NFIA: variants seen among roughly 807,000 people sequenced by gnomAD.
NFIA encodes the protein nuclear factor 1 A-type.
A neutral mutation model predicts 62.8 loss-of-function variants in NFIA; 8 were observed. The observed-to-expected ratio is 0.13, with a 90% CI of 0.07 to 0.23. The LOEUF is 0.23. Ranked by LOEUF, NFIA falls within the 10% of genes least tolerant of loss-of-function variation. The probability of loss-of-function intolerance (pLI) is 1.00; values close to 1 mark genes in which losing one functional copy is unlikely to be tolerated. For missense variants in NFIA, 410 were observed against 642.1 expected, an observed-to-expected ratio of 0.64 and a Z score of 3.91; for synonymous variants, 235 against 238.1, an observed-to-expected ratio of 0.99 and a Z score of 0.12.
intron 2 of NFIA, among the ~76,000 whole-genome samples, chr1:61,234,474 C>T (rs930540258): frequency 6.6e-6 from 1 of 151,884 alleles, no homozygotes; most frequent in African/African-American, 2.4e-5. Flanking sequence ...ATACGTCTGC[C>T]TCCTCTGTTC....
intron 9 of NFIA, among the ~76,000 whole-genome samples, chr1:61,425,820 T>C (rs1666839733): frequency 6.6e-6 from 1 of 152,234 alleles, no homozygotes; most frequent in South Asian, 2.1e-4. Context: ...TGATAGTTTA[T>C]GCCTGAACAG....
intron 6 of NFIA, among the ~76,000 whole-genome samples, chr1:61,369,374 A>T (rs998153787): frequency 6.6e-6 from 1 of 152,174 alleles, no homozygotes; most frequent in Non-Finnish European, 1.5e-5. Context: ...AATTCACCAG[A>T]GGGTAGAATA....
intron 9 of NFIA, among the ~76,000 whole-genome samples, chr1:61,415,807 A>T (rs1225112316): frequency 6.6e-6 from 1 of 152,192 alleles, no homozygotes; most frequent in African/African-American, 2.4e-5. Flanking sequence ...TTTTGTACCT[A>T]TATTAGTACA....
intron 2 of NFIA, among the ~76,000 whole-genome samples, chr1:61,138,407 A>G (rs1647258743): frequency 6.6e-6 from 1 of 152,102 alleles, no homozygotes. Context: ...AGTTATTTTC[A>G]AAATACAGTG....
chr1:61,098,520 C>G (rs1455817065), intron 2 of NFIA, among the ~76,000 whole-genome samples: 1 of 152,184 alleles, frequency 6.6e-6, no homozygotes, highest in Non-Finnish European at 1.5e-5. Flanking sequence ...AGAGTAGTTT[C>G]AAGTAACTTC....
At chr1:61,399,706 G>A (rs935806369) in intron 7 of NFIA, among the ~76,000 whole-genome samples, 1 of 152,150 alleles carries the variant, frequency 6.6e-6, no homozygotes, top group Admixed American at 6.5e-5. Context: ...GCAGAAAAAT[G>A]CAAGATTCCA....
At chr1:61,309,902 A>G (rs566070715) in intron 3 of NFIA, among the ~76,000 whole-genome samples, 7 of 152,330 alleles carry the variant, frequency 4.6e-5, no homozygotes, top group African/African-American at 9.6e-5. Context: ...AAATAAATAA[A>G]TTTAGGTGAA....
chr1:61,376,468 A>G (rs1293398665), intron 6 of NFIA, among the ~76,000 whole-genome samples: 1 of 152,144 alleles, frequency 6.6e-6, no homozygotes, highest in East Asian at 1.9e-4. Context: ...TCTATGTGAT[A>G]TTTATTTTGT....
chr1:61,279,023 G>A (rs1037727311), intron 3 of NFIA, among the ~76,000 whole-genome samples: 3 of 152,036 alleles, frequency 2.0e-5, no homozygotes, highest in African/African-American at 7.2e-5. Context: ...GTCAGCTGTG[G>A]TTCATTATGA....
chr1:61,314,334 C>T (rs1557700483), intron 3 of NFIA, among the ~76,000 whole-genome samples: 1 of 152,204 alleles, frequency 6.6e-6, no homozygotes, highest in African/African-American at 2.4e-5. Flanking sequence ...CAAAGAGGTA[C>T]ACTCTAATGC....
At chr1:61,223,605 T>C (rs1389204064) in intron 2 of NFIA, among the ~76,000 whole-genome samples, 1 of 152,100 alleles carries the variant, frequency 6.6e-6, no homozygotes, top group Non-Finnish European at 1.5e-5. Context: ...TGATCACTTG[T>C]TGACTTTCTC....
At chr1:61,234,448 C>T (rs1303121003) in intron 2 of NFIA, among the ~76,000 whole-genome samples, 2 of 151,124 alleles carry the variant, frequency 1.3e-5, no homozygotes. Context: ...GCTGATAATC[C>T]TTGCGTTATG....
intron 3 of NFIA, among the ~76,000 whole-genome samples, chr1:61,301,154 G>C (rs1659476209): frequency 7.0e-6 from 1 of 142,086 alleles, no homozygotes; most frequent in Non-Finnish European, 1.6e-5. Context: ...ACTTCAGCAG[G>C]AGGACACCGG....
intron 5 of NFIA, among the ~76,000 whole-genome samples, chr1:61,353,290 A>G (rs552798390): frequency 6.6e-6 from 1 of 152,332 alleles, no homozygotes; most frequent in East Asian, 1.9e-4. Flanking sequence ...GAGAGACCTT[A>G]AAAACAGTAA....
chr1:61,135,607 G>A (rs1169341466), intron 2 of NFIA, among the ~76,000 whole-genome samples: 1 of 152,186 alleles, frequency 6.6e-6, no homozygotes, highest in Non-Finnish European at 1.5e-5. Flanking sequence ...GGGTCTCCCT[G>A]TGTTGTGTGG....
intron 3 of NFIA, among the ~76,000 whole-genome samples, chr1:61,319,835 A>ACACACACACC (rs1254829829): frequency 7.1e-6 from 1 of 140,964 alleles, no homozygotes; most frequent in African/African-American, 2.6e-5. Flanking sequence ...ACACACACAC[A>ACACACACACC]CCAACTTTCA....
At chr1:61,114,442 T>C (rs1389443190) in intron 2 of NFIA, among the ~76,000 whole-genome samples, 3 of 152,106 alleles carry the variant, frequency 2.0e-5, no homozygotes, top group Non-Finnish European at 4.4e-5. Flanking sequence ...TGAGCCTCAG[T>C]TGTACCACTG....
At chr1:61,204,545 A>G (rs1018665354) in intron 2 of NFIA, among the ~76,000 whole-genome samples, 1 of 152,142 alleles carries the variant, frequency 6.6e-6, no homozygotes. Context: ...ATGGTTACGT[A>G]AGTTCCATTT....
chr1:61,304,352 G>C (rs571352970), intron 3 of NFIA, among the ~76,000 whole-genome samples: 113 of 152,310 alleles, frequency 7.4e-4, no homozygotes, highest in African/African-American at 2.7e-3. Flanking sequence ...GAGTTTATTT[G>C]AGGTTGTCCT....
Sources: gnomAD v4.1 joint callset for allele counts (sites outside exome capture counted in the v4.1 genomes callset) on GRCh38, gnomAD v4.1.1 for gene constraint, MANE v1.5 for transcripts, NCBI Gene and HGNC (gene_info 2026-07-23, HGNC 2026-07-21) for gene names.